ECPAS: variants seen among roughly 807,000 people sequenced by gnomAD.
ECPAS encodes the protein proteasome adapter and scaffold protein ECM29.
Under a neutral mutation model 255.1 loss-of-function variants are expected in ECPAS, and 70 were observed. The ratio of observed to expected loss-of-function variants is 0.27; its 90% CI spans 0.23 to 0.33. The LOEUF (loss-of-function observed/expected upper bound fraction) is 0.33. Ranked by LOEUF, ECPAS falls within the 10% of genes least tolerant of loss-of-function variation. ECPAS has a pLI of 1.00. For missense variants in ECPAS, 1,817 were observed against 2,206.4 expected (o/e 0.82, Z 3.54); for synonymous variants, 784 against 775.0 (o/e 1.01, Z -0.19).
chr9:111,423,036 A>G (rs1374659390), intron 13 of ECPAS, among the ~76,000 whole-genome samples, 163 bp downstream of exon 13: 1 of 152,196 alleles, frequency 6.6e-6, no homozygotes, highest in Non-Finnish European at 1.5e-5. Flanking sequence ...AATGTCTCAC[A>G]TCTTTTTCCT....
At chr9:111,368,434 A>G (rs2098123335) in intron 46 of ECPAS, among the ~76,000 whole-genome samples, 1 of 152,180 alleles carries the variant, frequency 6.6e-6, no homozygotes, top group Non-Finnish European at 1.5e-5. Flanking sequence ...CATCAAGAAG[A>G]TCAGTAGAAC....
At position 111,385,270 on chromosome 9, in the gene ECPAS, CATAA is replaced by C. The variant is rs2098146358; in HGVS notation, c.3633+63_3633+66del. On this transcript the variant is annotated intron_variant, in intron 33 of 49. Transcript: ENST00000684092. ...GGAAATGGAATTTTGACATACACAA[CATAA>C]ATATTTTAATAATTCCAATTTAACT... The C allele has an allele frequency of 6.1e-6, 5 of 824,328 alleles. No homozygotes were observed. In the East Asian group the frequency reaches 1.4e-4, roughly 23 times the overall value. The allele number at this position is 824,328 out of a possible 1,614,324, so 51.1% of individuals were successfully genotyped here.
Position 111,370,727 on chromosome 9 carries a change from A to G in ECPAS, c.4776T>C (p.Ala1592=). The change falls in exon 44 of 50, where the codon GCT becomes GCC. Residue 1592 remains alanine (A), a synonymous_variant. Transcript: ENST00000684092. The part of the protein sequence containing the change: ...LLKAIACVVT[A]CSAELEKSVP... ...TTCATTGAAAGAACATTTACCTGCA[A>G]GCTGTCACCACACAGGCAATGGCTT... is the stretch of plus-strand genomic sequence containing the variant. 6.2e-7 allele frequency: 1 copy of G among 1,608,032 alleles called. No homozygotes were observed. Among genetic ancestry groups the G allele is most frequent in the East Asian group, 2.2e-5 (1 of 44,674 alleles).
At chr9:111,370,833 AT>A in intron 43 of ECPAS, 68 bp from the exon 44 acceptor site, 2 of 1,403,054 alleles carry the variant, frequency 1.4e-6, no homozygotes, top group Non-Finnish European at 9.9e-7. Context: ...CTAAACCATG[AT>A]TACAATTACC....
intron 34 of ECPAS, 145 bp from the exon 35 acceptor site, chr9:111,383,477 T>A: frequency 8.5e-7 from 1 of 1,176,550 alleles, no homozygotes; most frequent in Non-Finnish European, 1.2e-6. Flanking sequence ...CACAGAGGAA[T>A]GAGATCGGAG....
chr9:111,449,021 G>C (rs1197259854), intron 3 of ECPAS, among the ~76,000 whole-genome samples: 1 of 151,934 alleles, frequency 6.6e-6, no homozygotes, highest in Non-Finnish European at 1.5e-5. Context: ...TTCAAATCCT[G>C]GCCTGACCAT....
rs953542184 is a variant in ECPAS, at chr9:111,370,461, T to C, written c.4948A>G (p.Asn1650Asp). The part of the protein sequence containing the change: ...TKEDRFQEFS[N>D]IVIPLIKKNS... ...TTCTTGATGAGAGGTATGACAATGT[T>C]AGAGAACTCCTGGAATCTGTCCTCT... is the stretch of plus-strand genomic sequence containing the variant. The change falls in exon 45 of 50, where the codon AAC (asparagine) becomes GAC (aspartate). Residue 1650 changes from asparagine to aspartate, a missense_variant. Coordinates refer to ENST00000684092, the MANE Select transcript of ECPAS (RefSeq NM_001364929.1). 5.6e-6 allele frequency: 9 copies of C among 1,604,370 alleles called. No individual in the cohort carries two copies. In the African/African-American group the frequency reaches 1.1e-4, roughly 19 times the overall value.
chr9:111,435,751 CG>C (rs1458320010), intron 7 of ECPAS, among the ~76,000 whole-genome samples: 1 of 148,620 alleles, frequency 6.7e-6, no homozygotes, highest in African/African-American at 2.5e-5. Context: ...ACGATCTCGG[CG>C]CACTGCAAGC....
intron 2 of ECPAS, among the ~76,000 whole-genome samples, chr9:111,452,846 C>T (rs1049693973): frequency 6.6e-6 from 1 of 152,128 alleles, no homozygotes; most frequent in Non-Finnish European, 1.5e-5. Flanking sequence ...CAATACCATT[C>T]TCCAGGAAAA....
intron 2 of ECPAS, among the ~76,000 whole-genome samples, chr9:111,453,380 T>C (rs2098262906): frequency 6.6e-6 from 1 of 152,150 alleles, no homozygotes; most frequent in South Asian, 2.1e-4. Flanking sequence ...AAAATGTCAA[T>C]CTACATGAGT....
chr9:111,375,351 T>G, intron 37 of ECPAS, 149 bp from the exon 38 acceptor site: 1 of 644,394 alleles, frequency 1.6e-6, no homozygotes, highest in Non-Finnish European at 2.8e-6. Flanking sequence ...GATTTCAATA[T>G]TAAAACCACT....
intron 1 of ECPAS, among the ~76,000 whole-genome samples, chr9:111,477,900 CTTTTT>C (rs34461136): frequency 1.4e-5 from 2 of 138,360 alleles, no homozygotes; most frequent in Admixed American, 7.3e-5. Context: ...TTTTTGGCAA[CTTTTT>C]TTTTTTTTTT....
At chr9:111,368,800 T>A (rs2098123841) in intron 46 of ECPAS, among the ~76,000 whole-genome samples, 1 of 152,304 alleles carries the variant, frequency 6.6e-6, no homozygotes, top group Non-Finnish European at 1.5e-5. Flanking sequence ...GAAAATAAAT[T>A]TCTGCTAAGC....
rs763180582 is a variant in ECPAS at position 111,410,111 on chromosome 9, G to C, written c.2480C>G (p.Ser827Cys). 34 of 1,606,378 alleles carry C rather than the reference G, an allele frequency of 2.1e-5. No homozygotes were observed. The highest frequency in any genetic ancestry group is 1.6e-4 in the East Asian group (7 of 44,672). The change falls in exon 23 of 50, where the codon TCT becomes TGT. Residue 827 changes from serine (S) to cysteine (C), a missense_variant. By Grantham distance (112) the Ser-to-Cys change is moderately radical. Transcript: ENST00000684092. The part of the protein sequence containing the change: ...NGPLPIPSEG[S>C]GFTKLHLVES... Reference sequence around the variant, plus strand: ...TACAAGATGCAATTTGGTAAAGCCAGATCCCTCACTGGGGATTGGAAGTGG... The same window carrying C: ...TACAAGATGCAATTTGGTAAAGCCACATCCCTCACTGGGGATTGGAAGTGG...
At chr9:111,443,458 C>A (rs1275836650) in intron 4 of ECPAS, among the ~76,000 whole-genome samples, 7 of 152,120 alleles carry the variant, frequency 4.6e-5, no homozygotes. Flanking sequence ...ACTATGATGG[C>A]CAGGCTGGTC....
At chr9:111,455,782 T>C (rs1296623912) in intron 2 of ECPAS, among the ~76,000 whole-genome samples, 2 of 152,176 alleles carry the variant, frequency 1.3e-5, no homozygotes, top group Admixed American at 6.5e-5. Flanking sequence ...CTGTCACAAC[T>C]CACTTCTGGA....
intron 9 of ECPAS, 62 bp downstream of exon 9, chr9:111,430,485 A>T: frequency 1.1e-6 from 1 of 944,946 alleles, no homozygotes; most frequent in Non-Finnish European, 1.7e-6. Context: ...ATGTATAAAT[A>T]CGCAGTTCAT....
At chr9:111,414,117 A>G (rs1589163721) in intron 19 of ECPAS, 131 bp from the exon 20 acceptor site, 1 of 634,768 alleles carries the variant, frequency 1.6e-6, no homozygotes, top group Non-Finnish European at 2.6e-6. Flanking sequence ...AAAAAAAAAA[A>G]GAAAACCTAC....
chr9:111,384,490 A>C, intron 34 of ECPAS, 32 bp downstream of exon 34: 1 of 1,598,654 alleles, frequency 6.3e-7, no homozygotes, highest in Non-Finnish European at 8.6e-7. Context: ...ACCCTGCTCC[A>C]CTCCATTCCC....
Sources: gnomAD v4.1 joint callset for allele counts (sites outside exome capture counted in the v4.1 genomes callset) on GRCh38, gnomAD v4.1.1 for gene constraint, MANE v1.5 for transcripts, NCBI Gene and HGNC (gene_info 2026-07-23, HGNC 2026-07-21) for gene names.